Variants in TJP1 observed in about 807,000 individuals in gnomAD.
TJP1 encodes tight junction protein 1.
A neutral mutation model predicts 194.2 loss-of-function variants in TJP1; 43 were observed. The ratio of observed to expected loss-of-function variants is 0.22; its 90% CI spans 0.17 to 0.29. The LOEUF (loss-of-function observed/expected upper bound fraction) is 0.29. TJP1 is among the 10% of genes least tolerant of loss of function. The pLI, the probability that TJP1 is intolerant of heterozygous loss-of-function variation, is 1.00. For missense variants in TJP1, 1,971 were observed against 2,185.7 expected (o/e 0.90, Z 1.96); for synonymous variants, 801 against 779.0 (o/e 1.03, Z -0.47).
intron 27 of TJP1, among the ~76,000 whole-genome samples, chr15:29,702,092 C>CT (rs200847680): frequency 0.019 from 2,711 of 145,874 alleles, 73 homozygotes; most frequent in East Asian, 0.15. Flanking sequence ...ATCAGTAGCA[C>CT]TTTTTTTTTT....
chr15:29,721,836 T>C (rs952159813), intron 18 of TJP1, among the ~76,000 whole-genome samples: 1 of 152,224 alleles, frequency 6.6e-6, no homozygotes, highest in Non-Finnish European at 1.5e-5. Flanking sequence ...GTAAAGGTCA[T>C]TCATTCTTGC....
chr15:29,948,513 G>A (rs936630874), intron 2 of TJP1, among the ~76,000 whole-genome samples: 1 of 152,190 alleles, frequency 6.6e-6, no homozygotes, highest in African/African-American at 2.4e-5. Flanking sequence ...AGACAGAAAT[G>A]AGAAGTAGGA....
At chr15:29,876,995 G>A (rs2052724869) in intron 2 of TJP1, among the ~76,000 whole-genome samples, 2 of 152,074 alleles carry the variant, frequency 1.3e-5, no homozygotes, top group South Asian at 2.1e-4. Flanking sequence ...TTCAACTCAG[G>A]GTTGACTCAG....
rs569822903 is a variant in TJP1 at position 29,782,050 on chromosome 15, T to C, written c.85-8693A>G. Among the ~76,000 whole-genome samples the C allele has an allele frequency of 2.4e-4, 37 of 152,326 alleles. 1 individual carries two copies. The highest frequency in any genetic ancestry group is 8.9e-4 in the African/African-American group (37 of 41,576). ...TAAACTACCCTGTTTGCAGATGACA[T>C]GATTCTGTATCTAGAAAACCTCATG... On this transcript the variant is annotated intron_variant, in intron 2 of 27. Coordinates refer to ENST00000614355, the MANE Select transcript of TJP1 (RefSeq NM_001330239.4).
At chr15:29,821,865 C>G (rs1012757737) in intron 1 of TJP1, 137 bp downstream of exon 1, 70 of 883,492 alleles carry the variant, frequency 7.9e-5, no homozygotes, top group South Asian at 5.1e-5. Flanking sequence ...CCCGCGGCCC[C>G]GCGCCAGCCC....
chr15:29,913,200 G>A (rs374781206), intron 2 of TJP1, among the ~76,000 whole-genome samples: 2 of 99,828 alleles, frequency 2.0e-5, no homozygotes, highest in Non-Finnish European at 2.2e-5. Flanking sequence ...AAAAAAAAAA[G>A]GGGGTAGAAT....
intron 2 of TJP1, chr15:29,956,110 C>T: frequency 1.2e-6 from 1 of 850,196 alleles, no homozygotes; most frequent in Middle Eastern, 5.3e-4. Flanking sequence ...GTTGGGTGAA[C>T]CATTTCTAAA....
At chr15:29,786,115 C>T (rs2047682369) in intron 2 of TJP1, among the ~76,000 whole-genome samples, 1 of 152,184 alleles carries the variant, frequency 6.6e-6, no homozygotes, top group Non-Finnish European at 1.5e-5. Flanking sequence ...TGGTAGTTCT[C>T]AAAATGCTGT....
rs954610007 is a variant in TJP1 at position 29,730,792 on chromosome 15, G to C, written c.2017+1641C>G. ...GACGAACCACAGAGAAGATCCGCGA[G>C]GTTGTCTGCTAAACCTGCTCCTCCA... On this transcript the variant is annotated intron_variant, in intron 15 of 27. Coordinates refer to ENST00000614355, the MANE Select transcript of TJP1 (RefSeq NM_001330239.4). 25 of 781,118 alleles carry C rather than the reference G, an allele frequency of 3.2e-5. No homozygotes were observed. The Admixed American group carries it at 3.2e-4, about 10-fold the overall frequency. 48.4% of individuals were successfully genotyped at this position (781,118 alleles called of 1,614,324 possible). A position where few individuals can be genotyped will look rare whatever the true frequency, so the allele number is the denominator to read the frequency against.
intron 2 of TJP1, among the ~76,000 whole-genome samples, chr15:29,875,810 C>T (rs113165810): frequency 0.12 from 18,112 of 152,060 alleles, 1,407 homozygotes; most frequent in South Asian, 0.28. Flanking sequence ...GTGATCTGCC[C>T]GCCTCGGCCT....
intron 8 of TJP1, among the ~76,000 whole-genome samples, chr15:29,751,731 T>C (rs557470660): frequency 1.3e-5 from 2 of 152,322 alleles, no homozygotes; most frequent in African/African-American, 4.8e-5. Flanking sequence ...ACAAATCTTA[T>C]TAGGATTCTC....
rs1377632690 is a variant in TJP1, at chr15:29,720,514, T to G, written c.2607A>C (p.Pro869=). The change falls in exon 19 of 28, where the codon CCA becomes CCC. Residue 869 remains proline (P), a synonymous_variant. Coordinates refer to ENST00000614355, the MANE Select transcript of TJP1 (RefSeq NM_001330239.4). ...DETLNDEVGT[P]PESAITRSSE... ...AGGACCGTGTAATGGCAGACTCCGG[T>G]GGAGTCCCAACCTCATCATTAAGAG... 1 of 1,614,014 alleles carries G rather than the reference T, an allele frequency of 6.2e-7. No homozygotes were observed. The highest frequency in any genetic ancestry group is 2.2e-5 in the East Asian group (1 of 44,868).
At chr15:29,786,479 A>C (rs1255057486) in intron 2 of TJP1, among the ~76,000 whole-genome samples, 3 of 152,148 alleles carry the variant, frequency 2.0e-5, no homozygotes, top group East Asian at 1.9e-4. Flanking sequence ...ATGAGTTCTT[A>C]ATTTCAGAAA....
At chr15:29,904,207 A>C (rs2053730486) in intron 2 of TJP1, among the ~76,000 whole-genome samples, 1 of 152,182 alleles carries the variant, frequency 6.6e-6, no homozygotes. Flanking sequence ...TGTGATTAGC[A>C]GGAGAGTGAC....
chr15:29,956,950 AAT>A (rs2055968688), intron 1 of TJP1, among the ~76,000 whole-genome samples: 1 of 152,150 alleles, frequency 6.6e-6, no homozygotes, highest in Non-Finnish European at 1.5e-5. Flanking sequence ...AGAAGCCATT[AAT>A]ATTAGACTGA....
chr15:29,718,488 A>G lies in TJP1; in HGVS notation c.3654T>C (p.His1218=). The G allele has an allele frequency of 1.2e-6, 2 of 1,614,146 alleles. No individual in the cohort carries two copies. Among genetic ancestry groups the G allele is most frequent in the Non-Finnish European group, 1.7e-6 (2 of 1,180,006 alleles). ...TCAGCGGAGGGACAGCTGCAGCACC[A>G]TGGAGAGGCTCAAAATGACCTGCTC... The part of the protein sequence containing the change: ...TSRAGHFEPL[H]GAAAVPPLIP... Residue 1218 remains histidine (H), a synonymous_variant, in exon 21 of 28, where the codon CAT becomes CAC. Coordinates refer to ENST00000614355, the MANE Select transcript of TJP1 (RefSeq NM_001330239.4).
rs778733120 is a variant in TJP1, at chr15:29,720,545, T to C, written c.2576A>G (p.Asp859Gly). Residue 859 changes from aspartate to glycine, a missense_variant, in exon 19 of 28, where the codon GAT becomes GGT. This residue lies in a region of TJP1 where 1,108 missense variants were observed against 1,128.5 expected (regional missense o/e 0.98). Coordinates refer to ENST00000614355, the MANE Select transcript of TJP1 (RefSeq NM_001330239.4). ...EGGAYTDQELDETLNDEVGTP... is the reference protein window; with the variant it reads ...EGGAYTDQELGETLNDEVGTP... ...CCCAACCTCATCATTAAGAGTTTCATCTAGTTCTTGATCAGTGTAGGCCCC... is the reference window on the plus strand; with the variant it reads ...CCCAACCTCATCATTAAGAGTTTCACCTAGTTCTTGATCAGTGTAGGCCCC... The C allele has an allele frequency of 1.2e-6, 2 of 1,614,086 alleles. No homozygotes were observed. The highest frequency in any genetic ancestry group is 4.5e-5 in the East Asian group (2 of 44,844).
At chr15:29,796,533 G>A (rs967778019) in intron 2 of TJP1, among the ~76,000 whole-genome samples, 1 of 151,632 alleles carries the variant, frequency 6.6e-6, no homozygotes, top group African/African-American at 2.4e-5. Flanking sequence ...ACAATGAGGA[G>A]ATAACATTAT....
intron 2 of TJP1, among the ~76,000 whole-genome samples, chr15:29,895,478 T>G (rs2053448849): frequency 6.6e-6 from 1 of 152,204 alleles, no homozygotes. Context: ...TCATGTTTCC[T>G]ATGGTTTCTA....
Sources: allele counts gnomAD v4.1 joint callset (sites outside exome capture counted in the v4.1 genomes callset), GRCh38; gene constraint gnomAD v4.1.1; regional missense constraint gnomAD v4.1.1; transcripts MANE v1.5; gene names NCBI Gene and HGNC (gene_info 2026-07-23, HGNC 2026-07-21).